The following GDPD4 variants were observed in gnomAD, a reference collection of about 807,000 sequenced individuals.
GDPD4 encodes the protein glycerophosphodiester phosphodiesterase domain containing 4.
Under a neutral mutation model 67.8 loss-of-function variants are expected in GDPD4, and 60 were observed. The ratio of observed to expected loss-of-function variants is 0.88; its 90% CI spans 0.72 to 1.10. The LOEUF (loss-of-function observed/expected upper bound fraction) is 1.10. Ranked by LOEUF, GDPD4 falls within the 50% of genes least tolerant of loss-of-function variation. GDPD4 has a pLI of 0.00. For missense variants in GDPD4, 623 were observed against 613.9 expected (o/e 1.01, Z -0.16); for synonymous variants, 212 against 210.9 (o/e 1.00, Z -0.04).
At chr11:77,241,431 G>T (rs1958662117) in intron 13 of GDPD4, among the ~76,000 whole-genome samples, 1 of 152,010 alleles carries the variant, frequency 6.6e-6, no homozygotes, top group Non-Finnish European at 1.5e-5. Flanking sequence ...AGCACTTTGG[G>T]AGGTGGAGGT....
chr11:77,243,504 A>ATGTTTGT (rs1232733424), intron 13 of GDPD4, among the ~76,000 whole-genome samples, 190 bp downstream of exon 13: 1 of 122,240 alleles, frequency 8.2e-6, no homozygotes, highest in East Asian at 2.7e-4. Flanking sequence ...CACTTGATAA[A>ATGTTTGT]TGTTTGTTGG....
At chr11:77,291,639 C>A (rs1937779103) in intron 1 of GDPD4, among the ~76,000 whole-genome samples, 1 of 152,228 alleles carries the variant, frequency 6.6e-6, no homozygotes, top group Non-Finnish European at 1.5e-5. Flanking sequence ...TAAATAAGTA[C>A]AAACATTATG....
intron 7 of GDPD4, 88 bp downstream of exon 7, chr11:77,271,042 G>T (rs1312933836): frequency 1.1e-6 from 1 of 897,250 alleles, no homozygotes; most frequent in African/African-American, 1.7e-5. Flanking sequence ...GGGGTGGCTA[G>T]TTCCCAAGCT....
At chr11:77,251,408 C>A (rs11237152) in intron 11 of GDPD4, among the ~76,000 whole-genome samples, 5 of 152,042 alleles carry the variant, frequency 3.3e-5, no homozygotes, top group Admixed American at 3.3e-4. Flanking sequence ...GCTAGTCTAG[C>A]GGTTTTGCAT....
At chr11:77,235,019 T>TG (rs1486590915) in intron 13 of GDPD4, among the ~76,000 whole-genome samples, 5 of 129,888 alleles carry the variant, frequency 3.8e-5, no homozygotes, top group African/African-American at 8.2e-5. Context: ...GTTTTTTTTT[T>TG]TTTTTTTTTT....
chr11:77,299,059 TC>T (rs1938074933), intron 1 of GDPD4, among the ~76,000 whole-genome samples: 1 of 152,062 alleles, frequency 6.6e-6, no homozygotes, highest in Non-Finnish European at 1.5e-5. Context: ...CGTTTAGTCC[TC>T]ACACTGGCCT....
At chr11:77,251,549 G>T (rs1338992248) in intron 11 of GDPD4, among the ~76,000 whole-genome samples, 1 of 152,066 alleles carries the variant, frequency 6.6e-6, no homozygotes, top group African/African-American at 2.4e-5. Context: ...ACTCTCTCCT[G>T]GTCTGGATAG....
chr11:77,244,900 C>T (rs974701449), intron 12 of GDPD4, among the ~76,000 whole-genome samples: 1 of 152,164 alleles, frequency 6.6e-6, no homozygotes, highest in Non-Finnish European at 1.5e-5. Flanking sequence ...TAAGAACCAG[C>T]TCTCCTTTCT....
At chr11:77,278,827 G>A (rs1237134449) in intron 4 of GDPD4, among the ~76,000 whole-genome samples, 1 of 152,186 alleles carries the variant, frequency 6.6e-6, no homozygotes, top group Admixed American at 6.5e-5. Context: ...TATTGCCAAA[G>A]GCTTTTGCTA....
At chr11:77,261,406 T>C (rs763694423) in intron 10 of GDPD4, among the ~76,000 whole-genome samples, 4 of 151,984 alleles carry the variant, frequency 2.6e-5, no homozygotes, top group Non-Finnish European at 5.9e-5. Flanking sequence ...CCCAGCTAAT[T>C]TTTCTATTTT....
rs1312923240 is a variant in GDPD4, at chr11:77,269,193, G to C, written c.479-124C>G. On this transcript the variant is annotated intron_variant, in intron 8 of 16. Transcript: ENST00000315938. ...CATGGGTTTCATTGACTGTGTACTG[G>C]CTAATTTACTTTCTATTTCTGTGAC... 17 of 752,124 alleles carry C rather than the reference G, an allele frequency of 2.3e-5. No homozygotes were observed. The East Asian group carries it at 4.5e-4, about 20-fold the overall frequency. 46.6% of individuals were successfully genotyped at this position (752,124 alleles called of 1,614,324 possible).
At chr11:77,236,724 A>G (rs998170124) in intron 13 of GDPD4, among the ~76,000 whole-genome samples, 1 of 145,618 alleles carries the variant, frequency 6.9e-6, no homozygotes, top group Non-Finnish European at 1.6e-5. Context: ...AAAATACAAG[A>G]AGGAAACACA....
chr11:77,271,726 A>T (rs1384894127), intron 5 of GDPD4, among the ~76,000 whole-genome samples: 1 of 152,226 alleles, frequency 6.6e-6, no homozygotes, highest in Non-Finnish European at 1.5e-5. Flanking sequence ...AACAGTTGCC[A>T]TTAAATTCTT....
At chr11:77,290,670 C>CAAAT (rs1234805123) in intron 1 of GDPD4, among the ~76,000 whole-genome samples, 3 of 152,048 alleles carry the variant, frequency 2.0e-5, no homozygotes, top group Non-Finnish European at 4.4e-5. Flanking sequence ...AGAAAGATTT[C>CAAAT]AAATAAATAA....
chr11:77,300,103 T>A (rs963481722), intron 1 of GDPD4, among the ~76,000 whole-genome samples: 1 of 152,294 alleles, frequency 6.6e-6, no homozygotes, highest in South Asian at 2.1e-4. Context: ...CAACCTTTTT[T>A]GATCACCTGC....
chr11:77,216,794 T>C lies in GDPD4; in HGVS notation c.*483A>G, dbSNP rs1468844115. 8.2e-6 allele frequency: 5 copies of C among 611,574 alleles called. No homozygotes were observed. The highest frequency in any genetic ancestry group is 1.4e-5 in the Non-Finnish European group (5 of 344,872). 37.9% of individuals were successfully genotyped at this position (611,574 alleles called of 1,614,324 possible). A position where few individuals can be genotyped will look rare whatever the true frequency, so the allele number is the denominator to read the frequency against. ...AACCACTCCCCACCATCACCACCCT[T>C]AGGCAGAGAGAGGAAGAAGCAGGGG... On this transcript the variant is annotated 3_prime_UTR_variant, in exon 17 of 17. Coordinates refer to ENST00000315938, the MANE Select transcript of GDPD4 (RefSeq NM_182833.3).
At chr11:77,253,601 G>A (rs1958947964) in intron 11 of GDPD4, among the ~76,000 whole-genome samples, 1 of 152,116 alleles carries the variant, frequency 6.6e-6, no homozygotes, top group African/African-American at 2.4e-5. Context: ...CTGGGATGAA[G>A]GGTACTATGT....
chr11:77,241,638 T>TTAAA (rs1555117054), intron 13 of GDPD4, among the ~76,000 whole-genome samples: 4 of 60,824 alleles, frequency 6.6e-5, no homozygotes, highest in African/African-American at 2.7e-4. Flanking sequence ...ACCCTGTCTT[T>TTAAA]AAAAAAAAAA....
intron 5 of GDPD4, among the ~76,000 whole-genome samples, chr11:77,273,440 C>T (rs1320842100): frequency 6.6e-6 from 1 of 152,090 alleles, no homozygotes; most frequent in African/African-American, 2.4e-5. Context: ...CTTTTCATTG[C>T]CTTCAGACTC....
Sources: gnomAD v4.1 joint callset for allele counts (sites outside exome capture counted in the v4.1 genomes callset) on GRCh38, gnomAD v4.1.1 for gene constraint, MANE v1.5 for transcripts, NCBI Gene and HGNC (gene_info 2026-07-23, HGNC 2026-07-21) for gene names.